FHOD3: variants seen among roughly 807,000 people sequenced by gnomAD.
FHOD3 encodes formin homology 2 domain containing 3.
FHOD3 carries 90 observed loss-of-function variants against 173.0 expected under a neutral mutation model. That is an observed-to-expected ratio of 0.52 (90% CI 0.44 to 0.62). The LOEUF (loss-of-function observed/expected upper bound fraction) is 0.62. FHOD3 is among the 20% of genes least tolerant of loss of function. FHOD3 has a pLI of 0.00. For missense variants in FHOD3, 1,945 were observed against 2,034.7 expected, an observed-to-expected ratio of 0.96 and a Z score of 0.85; for synonymous variants, 828 against 823.0, an observed-to-expected ratio of 1.01 and a Z score of -0.10.
chr18:36,437,242 C>T (rs561879578), intron 3 of FHOD3, among the ~76,000 whole-genome samples: 2 of 152,224 alleles, frequency 1.3e-5, no homozygotes, highest in South Asian at 2.1e-4. Context: ...CCAAGCCTCC[C>T]AAGTAGCTAG....
chr18:36,524,983 T>C (rs2146679030), intron 5 of FHOD3, among the ~76,000 whole-genome samples: 1 of 152,196 alleles, frequency 6.6e-6, no homozygotes, highest in South Asian at 2.1e-4. Context: ...CAGGAGGGAA[T>C]TTATAATATA....
chr18:36,616,809 A>G (rs957674705), intron 9 of FHOD3, among the ~76,000 whole-genome samples: 11 of 152,242 alleles, frequency 7.2e-5, no homozygotes, highest in African/African-American at 2.7e-4. Flanking sequence ...AGAATTGGCT[A>G]ATCAGAGATC....
intron 14 of FHOD3, among the ~76,000 whole-genome samples, chr18:36,674,093 A>G (rs1678277746): frequency 6.6e-6 from 1 of 152,232 alleles, no homozygotes; most frequent in African/African-American, 2.4e-5. Flanking sequence ...GTATATTTTC[A>G]AAAGGAAGGA....
chr18:36,564,115 A>C (rs530566406), intron 5 of FHOD3, among the ~76,000 whole-genome samples: 1 of 152,180 alleles, frequency 6.6e-6, no homozygotes, highest in Non-Finnish European at 1.5e-5. Context: ...AGGTGAACAC[A>C]TGAGCGCGAA....
At chr18:36,686,601 T>C (rs1266045941) in intron 15 of FHOD3, among the ~76,000 whole-genome samples, 1 of 148,410 alleles carries the variant, frequency 6.7e-6, no homozygotes, top group African/African-American at 2.5e-5. Context: ...CATTTACCTA[T>C]GTAACAGACC....
At chr18:36,401,677 CTG>C (rs2048818078) in intron 3 of FHOD3, among the ~76,000 whole-genome samples, 1 of 152,138 alleles carries the variant, frequency 6.6e-6, no homozygotes, top group African/African-American at 2.4e-5. Flanking sequence ...TCTATGCTCT[CTG>C]GGCTTTTGGG....
At chr18:36,763,950 A>T (rs2043032516) in intron 27 of FHOD3, among the ~76,000 whole-genome samples, 1 of 152,172 alleles carries the variant, frequency 6.6e-6, no homozygotes, top group African/African-American at 2.4e-5. Flanking sequence ...TAATTTCCAT[A>T]GATAGTTTTG....
At chr18:36,660,783 G>T (rs746565318) in intron 14 of FHOD3, among the ~76,000 whole-genome samples, 72 of 152,282 alleles carry the variant, frequency 4.7e-4, no homozygotes, top group Non-Finnish European at 6.5e-4. Context: ...CTTGAAGAAG[G>T]CTCTGGAGTT....
intron 8 of FHOD3, among the ~76,000 whole-genome samples, chr18:36,603,345 G>A (rs2031650394): frequency 6.6e-6 from 1 of 152,056 alleles, no homozygotes; most frequent in Non-Finnish European, 1.5e-5. Flanking sequence ...TGCGACACGT[G>A]GAGTGGATGC....
intron 3 of FHOD3, among the ~76,000 whole-genome samples, chr18:36,480,363 T>A (rs1010685497): frequency 2.0e-5 from 3 of 152,204 alleles, no homozygotes; most frequent in Non-Finnish European, 4.4e-5. Context: ...TACAGGGAGA[T>A]GGTCATTGTC....
chr18:36,454,456 T>TTTA (rs2052049758), intron 3 of FHOD3, among the ~76,000 whole-genome samples: 1 of 152,202 alleles, frequency 6.6e-6, no homozygotes, highest in South Asian at 2.1e-4. Context: ...AGTGTTCACA[T>TTTA]TATTAAGATG....
chr18:36,361,641 A>G (rs28741044), intron 2 of FHOD3, among the ~76,000 whole-genome samples: 60,154 of 149,164 alleles, frequency 0.4, 15,344 homozygotes, highest in African/African-American at 0.72. Context: ...AGCCTAGATC[A>G]CGCAACTGTA....
At chr18:36,427,651 A>G (rs1015163414) in intron 3 of FHOD3, among the ~76,000 whole-genome samples, 2 of 152,116 alleles carry the variant, frequency 1.3e-5, no homozygotes, top group African/African-American at 4.8e-5. Context: ...GCTATGGATC[A>G]CTCTCCAAAT....
In FHOD3 at chr18:36,405,438, A is replaced by G. The variant is rs1226614195; in HGVS notation, c.337+32694A>G. Among the ~76,000 whole-genome samples, 3 of 152,228 alleles carry G rather than the reference A, an allele frequency of 2.0e-5. No individual in the cohort carries two copies. In the South Asian group the frequency reaches 6.2e-4, roughly 31 times the overall value. On this transcript the variant is annotated intron_variant, in intron 3 of 28. Coordinates refer to ENST00000590592, the MANE Select transcript of FHOD3 (RefSeq NM_001281740.3). ...TTTCCTTTCCACTTTCTTTGGAGGTAGAGGTAAGTGTCAGGCTCGTATGAG... is the reference window on the plus strand; with the variant it reads ...TTTCCTTTCCACTTTCTTTGGAGGTGGAGGTAAGTGTCAGGCTCGTATGAG...
intron 7 of FHOD3, among the ~76,000 whole-genome samples, chr18:36,597,741 G>A (rs1383620423): frequency 6.7e-6 from 1 of 149,822 alleles, no homozygotes; most frequent in African/African-American, 2.5e-5. Flanking sequence ...TATAGTTTTT[G>A]TCTATACAAT....
intron 9 of FHOD3, among the ~76,000 whole-genome samples, chr18:36,615,946 G>C (rs2033156025): frequency 6.6e-6 from 1 of 152,216 alleles, no homozygotes; most frequent in South Asian, 2.1e-4. Context: ...ACTTGAAGCT[G>C]CCAACAGCCA....
chr18:36,308,480 G>A (rs2092162093), intron 1 of FHOD3, among the ~76,000 whole-genome samples: 1 of 152,170 alleles, frequency 6.6e-6, no homozygotes, highest in African/African-American at 2.4e-5. Flanking sequence ...AATACCACCA[G>A]GTGGGATTCA....
intron 9 of FHOD3, among the ~76,000 whole-genome samples, chr18:36,621,877 A>G (rs2033736379): frequency 6.6e-6 from 1 of 152,242 alleles, no homozygotes; most frequent in South Asian, 2.1e-4. Flanking sequence ...TTTTGGAGAA[A>G]TATTGGTACT....
At chr18:36,616,236 C>T (rs1314350412) in intron 9 of FHOD3, among the ~76,000 whole-genome samples, 5 of 152,180 alleles carry the variant, frequency 3.3e-5, no homozygotes, top group Non-Finnish European at 7.3e-5. Context: ...CCACCACGAT[C>T]GGAACTCCTT....
Sources: gnomAD v4.1 joint callset for allele counts (sites outside exome capture counted in the v4.1 genomes callset) on GRCh38, gnomAD v4.1.1 for gene constraint, MANE v1.5 for transcripts, NCBI Gene and HGNC (gene_info 2026-07-23, HGNC 2026-07-21) for gene names.